MYRIP: variants seen among roughly 807,000 people sequenced by gnomAD.
MYRIP encodes myosin VIIA and Rab interacting protein.
Under a neutral mutation model 98.0 loss-of-function variants are expected in MYRIP, and 49 were observed. The observed-to-expected ratio is 0.50, with a 90% confidence interval of 0.40 to 0.63. The LOEUF is 0.63. MYRIP is among the 30% of genes least tolerant of loss of function. The pLI, the probability that MYRIP is intolerant of heterozygous loss-of-function variation, is 0.00. For missense variants in MYRIP, 1,004 were observed against 1,058.2 expected, an observed-to-expected ratio of 0.95 and a Z score of 0.71; for synonymous variants, 404 against 409.5, an observed-to-expected ratio of 0.99 and a Z score of 0.16.
chr3:40,220,047 T>A (rs1952286405), intron 11 of MYRIP, among the ~76,000 whole-genome samples: 1 of 151,190 alleles, frequency 6.6e-6, no homozygotes, highest in South Asian at 2.1e-4. Flanking sequence ...TGAGATGGTA[T>A]CTCATTGTGG....
intron 2 of MYRIP, among the ~76,000 whole-genome samples, chr3:39,962,105 AT>A (rs1041684340): frequency 6.6e-6 from 1 of 152,128 alleles, no homozygotes; most frequent in Non-Finnish European, 1.5e-5. Context: ...AAGATTAGCC[AT>A]TTTTTAGCTG....
intron 11 of MYRIP, among the ~76,000 whole-genome samples, chr3:40,214,995 C>A (rs964322667): frequency 6.6e-6 from 1 of 151,960 alleles, no homozygotes; most frequent in Non-Finnish European, 1.5e-5. Flanking sequence ...TGTAGATATG[C>A]GATAGAATAC....
At chr3:40,156,302 T>C (rs1205170218) in intron 4 of MYRIP, among the ~76,000 whole-genome samples, 3 of 152,208 alleles carry the variant, frequency 2.0e-5, no homozygotes. Context: ...CAGATAGTTG[T>C]AGATATGCGG....
At chr3:39,826,018 C>T (rs13085633) in intron 1 of MYRIP, among the ~76,000 whole-genome samples, 29,929 of 151,768 alleles carry the variant, frequency 0.2, 3,061 homozygotes, top group South Asian at 0.29. Context: ...TGGTGATATC[C>T]ATTGTGACAT....
intron 4 of MYRIP, among the ~76,000 whole-genome samples, chr3:40,154,501 C>T (rs952768353): frequency 2.6e-5 from 4 of 152,096 alleles, no homozygotes; most frequent in South Asian, 2.1e-4. Context: ...CCAAAGGTAA[C>T]GAGTGCTCAC....
intron 1 of MYRIP, among the ~76,000 whole-genome samples, chr3:39,825,096 GGTAGA>G (rs1437072450): frequency 6.6e-6 from 1 of 152,056 alleles, no homozygotes; most frequent in Non-Finnish European, 1.5e-5. Flanking sequence ...AGAGCTTTTT[GGTAGA>G]GTATTTTGAT....
Position 40,258,589 on chromosome 3 carries a change from A to ATTAT in MYRIP, c.*427_*430dup, listed in dbSNP as rs1250554164. Reference sequence around the variant, plus strand: ...AGGTGGAGGGAGGAAGGTGGGAATTATTATTTAATACATCATTAATGCTTA... The same window carrying ATTAT: ...AGGTGGAGGGAGGAAGGTGGGAATTATTATTTATTTAATACATCATTAATGCTTA... On this transcript the variant is annotated 3_prime_UTR_variant, in exon 17 of 17. Coordinates refer to ENST00000302541, the MANE Select transcript of MYRIP (RefSeq NM_015460.4). 2 of 191,578 alleles carry ATTAT rather than the reference A, an allele frequency of 1.0e-5. No homozygotes were observed. Among genetic ancestry groups the ATTAT allele is most frequent in the African/African-American group, 4.6e-5 (2 of 43,700 alleles). 11.9% of individuals were successfully genotyped at this position (191,578 alleles called of 1,614,324 possible).
In MYRIP at chr3:40,182,165, C is replaced by A. The variant is rs1575603014; in HGVS notation, c.874-55C>A. ...TCTGCCCCCAAAAGGTGAAGGCACACCTCCCAGGCACTGTACCTTATGAGC... is the reference window on the plus strand; with the variant it reads ...TCTGCCCCCAAAAGGTGAAGGCACAACTCCCAGGCACTGTACCTTATGAGC... On this transcript the variant is annotated intron_variant, in intron 8 of 16. Transcript: ENST00000302541. 5.3e-5 allele frequency: 78 copies of A among 1,485,452 alleles called. No individual in the cohort carries two copies. In the South Asian group the frequency reaches 9.9e-4, roughly 19 times the overall value. 92.0% of individuals were successfully genotyped at this position (1,485,452 alleles called of 1,614,324 possible).
rs567029433 is a variant in MYRIP, at chr3:39,870,754, A to G, written c.-30-30033A>G. On this transcript the variant is annotated intron_variant, in intron 1 of 16. Coordinates refer to ENST00000302541, the MANE Select transcript of MYRIP (RefSeq NM_015460.4). ...TGTGTTTTTCCAATGAAAACATTAA[A>G]TACAACCAGGCATTATTTTGAGCTT... Among the ~76,000 whole-genome samples, 10 of 152,340 alleles carry G rather than the reference A, an allele frequency of 6.6e-5. No homozygotes were observed. In the South Asian group the frequency reaches 1.2e-3, roughly 19 times the overall value.
intron 10 of MYRIP, among the ~76,000 whole-genome samples, chr3:40,191,288 C>G (rs1951202570): frequency 6.6e-6 from 1 of 152,176 alleles, no homozygotes; most frequent in South Asian, 2.1e-4. Context: ...GGCTCCCAAC[C>G]AGACTAACTT....
chr3:39,899,272 G>C (rs1051460595), intron 1 of MYRIP, among the ~76,000 whole-genome samples: 1 of 152,160 alleles, frequency 6.6e-6, no homozygotes, highest in African/African-American at 2.4e-5. Context: ...ATTATGTTAA[G>C]ATTTATCCCT....
chr3:40,027,330 A>G (rs1402793729), intron 2 of MYRIP, among the ~76,000 whole-genome samples: 1 of 152,048 alleles, frequency 6.6e-6, no homozygotes, highest in African/African-American at 2.4e-5. Context: ...CATGCTTCAC[A>G]CATGCAAGGT....
chr3:40,140,238 A>G (rs755777920), intron 3 of MYRIP, among the ~76,000 whole-genome samples: 1 of 152,302 alleles, frequency 6.6e-6, no homozygotes, highest in East Asian at 1.9e-4. Flanking sequence ...AGGATTCACC[A>G]AACTGTTTTT....
intron 10 of MYRIP, among the ~76,000 whole-genome samples, chr3:40,191,981 T>C (rs1951223710): frequency 2.0e-5 from 3 of 152,062 alleles, no homozygotes; most frequent in South Asian, 4.1e-4. Flanking sequence ...TTGCAAGGCA[T>C]TGATAGAGAA....
intron 3 of MYRIP, among the ~76,000 whole-genome samples, chr3:40,056,640 G>A (rs949084539): frequency 2.0e-5 from 3 of 152,136 alleles, no homozygotes; most frequent in South Asian, 2.1e-4. Flanking sequence ...ATTATACCAC[G>A]AGGTAGGTAC....
intron 9 of MYRIP, among the ~76,000 whole-genome samples, chr3:40,186,057 A>G (rs1951027232): frequency 6.6e-6 from 1 of 152,136 alleles, no homozygotes; most frequent in Non-Finnish European, 1.5e-5. Context: ...AATAAACTAT[A>G]ATATAGTTTG....
chr3:40,098,935 G>GTA (rs1460548245), intron 3 of MYRIP, among the ~76,000 whole-genome samples: 2 of 150,334 alleles, frequency 1.3e-5, no homozygotes, highest in African/African-American at 5.0e-5. Flanking sequence ...GTGTGTGTGT[G>GTA]TGTGTACATT....
At chr3:39,859,910 T>A (rs1401809296) in intron 1 of MYRIP, among the ~76,000 whole-genome samples, 2 of 152,162 alleles carry the variant, frequency 1.3e-5, no homozygotes, top group Non-Finnish European at 2.9e-5. Context: ...AACATCATAC[T>A]CAGCAGTGAA....
chr3:40,110,818 T>C (rs551281587), intron 3 of MYRIP, among the ~76,000 whole-genome samples: 9 of 152,174 alleles, frequency 5.9e-5, no homozygotes, highest in African/African-American at 2.2e-4. Flanking sequence ...ACTTCACTTC[T>C]CTCTCTGTAA....
Sources: gnomAD v4.1 joint callset for allele counts (sites outside exome capture counted in the v4.1 genomes callset) on GRCh38, gnomAD v4.1.1 for gene constraint, MANE v1.5 for transcripts, NCBI Gene and HGNC (gene_info 2026-07-23, HGNC 2026-07-21) for gene names.